GPR137C: variants seen among roughly 807,000 people sequenced by gnomAD.
GPR137C encodes the protein G protein-coupled receptor 137C.
In GPR137C, 27 loss-of-function variants were observed where a neutral mutation model predicts 43.4. That is an observed-to-expected ratio of 0.62 (90% confidence interval 0.46 to 0.86). The LOEUF is 0.86. GPR137C is among the 40% of genes least tolerant of loss of function. The pLI is 0.00. For synonymous variants in GPR137C, 285 were observed against 226.9 expected (o/e 1.26, Z -2.30); for missense variants, 522 against 534.6 (o/e 0.98, Z 0.23).
chr14:52,603,307 A>T (rs1013447578), intron 3 of GPR137C, among the ~76,000 whole-genome samples: 1 of 152,206 alleles, frequency 6.6e-6, no homozygotes, highest in Admixed American at 6.5e-5. Flanking sequence ...GTAATAGTCC[A>T]TTGTATACAT....
intron 2 of GPR137C, among the ~76,000 whole-genome samples, chr14:52,599,578 CG>C (rs2038899386): frequency 6.6e-6 from 1 of 151,880 alleles, no homozygotes; most frequent in Non-Finnish European, 1.5e-5. Flanking sequence ...GGACTACAGG[CG>C]TGTGCCGCCA....
rs960336776 is a variant in GPR137C, at chr14:52,634,071, C to T, written c.1112+125C>T. ...GTAATATGTCAATAAATAAGATCGG[C>T]AATACTGGAGTTTAAAGCAGTAGAT... On this transcript the variant is annotated intron_variant, in intron 6 of 6. Coordinates refer to ENST00000321662, the MANE Select transcript of GPR137C (RefSeq NM_001099652.2). The T allele has an allele frequency of 6.1e-6, 4 of 653,128 alleles. No individual in the cohort carries two copies. The East Asian group carries it at 1.1e-4, about 18-fold the overall frequency. The allele number at this position is 653,128 out of a possible 1,614,324, so 40.5% of individuals were successfully genotyped here. A position where few individuals can be genotyped will look rare whatever the true frequency, so the allele number is the denominator to read the frequency against.
At chr14:52,559,208 C>T (rs1256204169) in intron 1 of GPR137C, among the ~76,000 whole-genome samples, 1 of 152,076 alleles carries the variant, frequency 6.6e-6, no homozygotes, top group East Asian at 1.9e-4. Context: ...AACCCCGTCT[C>T]TACTAAAAAT....
intron 3 of GPR137C, among the ~76,000 whole-genome samples, chr14:52,602,014 G>A (rs550749365): frequency 1.3e-5 from 2 of 150,294 alleles, no homozygotes; most frequent in East Asian, 1.9e-4. Context: ...GTATGGATTC[G>A]GAATTATCTA....
chr14:52,563,595 G>C (rs747227561), intron 1 of GPR137C, among the ~76,000 whole-genome samples: 3 of 152,096 alleles, frequency 2.0e-5, no homozygotes, highest in Non-Finnish European at 4.4e-5. Context: ...AGTAAGCAAT[G>C]TTTGCGCCAC....
At chr14:52,611,288 T>C (rs1028903183) in intron 3 of GPR137C, among the ~76,000 whole-genome samples, 7 of 152,092 alleles carry the variant, frequency 4.6e-5, no homozygotes, top group Admixed American at 6.5e-5. Context: ...ATTTATTCTT[T>C]ATATCTTTGG....
Position 52,632,199 on chromosome 14 carries a change from G to C in GPR137C, c.757G>C (p.Val253Leu). The C allele has an allele frequency of 6.2e-7, 1 of 1,606,956 alleles. No homozygotes were observed. Among genetic ancestry groups the C allele is most frequent in the Non-Finnish European group, 8.5e-7 (1 of 1,173,640 alleles). Residue 253 changes from valine to leucine, a missense_variant, in exon 4 of 7, where the codon GTC (valine) becomes CTC (leucine). Physicochemically the swap from Val to Leu is conservative, Grantham distance 32. This residue lies in a region of GPR137C where 437 missense variants were observed against 425.7 expected (regional missense o/e 1.03). Coordinates refer to ENST00000321662, the MANE Select transcript of GPR137C (RefSeq NM_001099652.2). Reference protein sequence around the residue: ...LCQTVVVGSVVILLYSSRACY... With the variant: ...LCQTVVVGSVLILLYSSRACY... ...CCAGACTGTCGTCGTGGGCTCTGTA[G>C]TCATTCTTCTGTACTCTTCCAGAGC...
rs1216869133 is a variant in GPR137C, at chr14:52,635,958, A to G, written c.*843A>G. ...GAGATGCATTTAAGAATTATTCACAAAATGTGTAATTCTAAATTAAAACAT... is the reference window on the plus strand; with the variant it reads ...GAGATGCATTTAAGAATTATTCACAGAATGTGTAATTCTAAATTAAAACAT... On this transcript the variant is annotated 3_prime_UTR_variant, in exon 7 of 7. Transcript: ENST00000321662. The G allele has an allele frequency of 6.6e-6, 1 of 152,170 alleles. No homozygotes were observed. Among genetic ancestry groups the G allele is most frequent in the Non-Finnish European group, 1.5e-5 (1 of 68,018 alleles). The allele number at this position is 152,170 out of a possible 1,614,324, so 9.4% of individuals were successfully genotyped here. A position where few individuals can be genotyped will look rare whatever the true frequency, so the allele number is the denominator to read the frequency against.
chr14:52,620,804 C>T lies in GPR137C; in HGVS notation c.718-11356C>T, dbSNP rs60659667. ...AATAAATGTCACTAGTTGTGCTTAA[C>T]AGCAGCATATTGGAGATGAAGGAAG... On this transcript the variant is annotated intron_variant, in intron 3 of 6. Transcript: ENST00000321662. 3.4e-3 allele frequency among the ~76,000 whole-genome samples: 517 copies of T among 151,908 alleles called. 2 individuals are homozygous for T. The highest frequency in any genetic ancestry group is 0.012 in the African/African-American group (489 of 41,494).
chr14:52,577,740 A>T (rs867719481), intron 1 of GPR137C, among the ~76,000 whole-genome samples: 16 of 150,026 alleles, frequency 1.1e-4, no homozygotes, highest in Non-Finnish European at 2.4e-4. Flanking sequence ...AGGCAGGCGG[A>T]TCGCTTGAAC....
intron 1 of GPR137C, 100 bp downstream of exon 1, chr14:52,553,691 G>A (rs1347214941): frequency 1.1e-6 from 1 of 930,748 alleles, no homozygotes; most frequent in African/African-American, 1.7e-5. Context: ...TGGGCAGCGA[G>A]AGGCGGACTG....
At position 52,553,325 on chromosome 14, in the gene GPR137C, C is replaced by T. The variant is rs1168998414; in HGVS notation, c.178C>T (p.Leu60=). ...CCTGCACGCCCTGCTCTACGCCGCG[C>T]TGTTCGCCTTTGCCTACCTGCAGCT... ...SVLHALLYAA[L]FAFAYLQLWR... is the part of the protein sequence containing the mutation. Residue 60 remains leucine, a synonymous_variant, in exon 1 of 7, where the codon CTG becomes TTG. Transcript: ENST00000321662. 2.5e-6 allele frequency: 4 copies of T among 1,592,922 alleles called. No homozygotes were observed. The highest frequency in any genetic ancestry group is 2.6e-6 in the Non-Finnish European group (3 of 1,174,950).
chr14:52,593,970 G>C (rs2038817465), intron 1 of GPR137C, among the ~76,000 whole-genome samples: 1 of 152,194 alleles, frequency 6.6e-6, no homozygotes, highest in African/African-American at 2.4e-5. Context: ...GGAATTTAGT[G>C]CTGTAAATTT....
At chr14:52,553,776 T>A (rs939004407) in intron 1 of GPR137C, among the ~76,000 whole-genome samples, 185 bp downstream of exon 1, 3 of 152,112 alleles carry the variant, frequency 2.0e-5, no homozygotes, top group Admixed American at 6.5e-5. Context: ...AGTGGCTGAT[T>A]GGCTTGATTA....
intron 1 of GPR137C, among the ~76,000 whole-genome samples, chr14:52,560,992 A>T (rs925922610): frequency 9.2e-5 from 14 of 152,232 alleles, no homozygotes; most frequent in Non-Finnish European, 2.9e-5. Context: ...AACATAAAGA[A>T]CTTATAACTC....
intron 1 of GPR137C, among the ~76,000 whole-genome samples, chr14:52,592,670 C>T (rs1029693866): frequency 5.7e-4 from 86 of 152,068 alleles, no homozygotes; most frequent in African/African-American, 1.9e-3. Flanking sequence ...GTGATTTTTG[C>T]ACATTGATTT....
chr14:52,613,923 C>T (rs1337733999), intron 3 of GPR137C, among the ~76,000 whole-genome samples: 1 of 152,098 alleles, frequency 6.6e-6, no homozygotes, highest in Admixed American at 6.5e-5. Flanking sequence ...TTTTGAGGAG[C>T]CTCCAAACCA....
intron 2 of GPR137C, 101 bp from the exon 3 acceptor site, chr14:52,600,012 A>T (rs1476862452): frequency 1.3e-6 from 1 of 755,160 alleles, no homozygotes; most frequent in African/African-American, 1.8e-5. Context: ...TAAACATTTC[A>T]AACTGAAGGA....
At chr14:52,563,895 T>C (rs999686601) in intron 1 of GPR137C, among the ~76,000 whole-genome samples, 4 of 152,142 alleles carry the variant, frequency 2.6e-5, no homozygotes, top group Admixed American at 6.5e-5. Flanking sequence ...CAGTTAGCCT[T>C]CTAATTGGTG....
Sources: allele counts gnomAD v4.1 joint callset (sites outside exome capture counted in the v4.1 genomes callset), GRCh38; gene constraint gnomAD v4.1.1; regional missense constraint gnomAD v4.1.1; transcripts MANE v1.5; gene names NCBI Gene and HGNC (gene_info 2026-07-23, HGNC 2026-07-21).